Variants in DMD observed in about 807,000 individuals in gnomAD.
DMD encodes dystrophin.
Under a neutral mutation model 330.1 loss-of-function variants are expected in DMD, and 63 were observed. That is an observed-to-expected ratio of 0.19 (90% confidence interval 0.16 to 0.24). The LOEUF is 0.24. Among genes scored for constraint, DMD ranks in the 10% least tolerant of loss-of-function variants. The probability of loss-of-function intolerance (pLI) is 1.00; values close to 1 mark genes in which losing one functional copy is unlikely to be tolerated. For synonymous variants in DMD, 1,223 were observed against 959.8 expected (o/e 1.27, Z -5.07); for missense variants, 3,344 against 2,684.1 (o/e 1.25, Z -5.43).
At chrX:32,844,399 T>A (rs1357446094) in intron 4 of DMD, among the ~76,000 whole-genome samples, 2 of 63,748 alleles carry the variant, frequency 3.1e-5, no homozygotes, top group Non-Finnish European at 5.2e-5. Context: ...AGAGCGAGAC[T>A]CCATCTCAAA....
At chrX:32,496,018 G>T (rs1216148629) in intron 19 of DMD, among the ~76,000 whole-genome samples, 1 of 111,506 alleles carries the variant, frequency 9.0e-6, no homozygotes, top group East Asian at 2.8e-4. Flanking sequence ...TAAATATATT[G>T]CACCCAGAGG....
chrX:32,784,226 G>A (rs1335408524), intron 7 of DMD, among the ~76,000 whole-genome samples: 1 of 111,651 alleles, frequency 9.0e-6, no homozygotes, highest in Non-Finnish European at 1.9e-5. Context: ...CGTTTCTATA[G>A]CTCTCAAAAA....
chrX:32,962,113 GT>G (rs765390561), intron 2 of DMD, among the ~76,000 whole-genome samples: 1,294 of 111,410 alleles, frequency 0.012, 16 homozygotes, highest in African/African-American at 0.04. Flanking sequence ...GTATACATGA[GT>G]TTTTTTGCAA....
chrX:31,341,893 A>ACG, intron 61 of DMD, among the ~76,000 whole-genome samples: 1 of 34,865 alleles, frequency 2.9e-5, no homozygotes. Flanking sequence ...GCGCGCGCGC[A>ACG]CACACACACA....
At chrX:32,686,977 G>A (rs1437160828) in intron 9 of DMD, among the ~76,000 whole-genome samples, 1 of 111,897 alleles carries the variant, frequency 8.9e-6, no homozygotes, top group Non-Finnish European at 1.9e-5. Flanking sequence ...CAGCTTGAGT[G>A]TCTTCACCTG....
At chrX:33,263,152 G>T (rs2052987046) in intron 1 of DMD, among the ~76,000 whole-genome samples, 1 of 110,138 alleles carries the variant, frequency 9.1e-6, no homozygotes, top group African/African-American at 3.3e-5. Context: ...TCCTCCAGTT[G>T]TTTGACATAT....
intron 12 of DMD, among the ~76,000 whole-genome samples, chrX:32,606,225 C>T (rs1247498658): frequency 1.8e-5 from 2 of 110,307 alleles, no homozygotes; most frequent in Non-Finnish European, 3.8e-5. Flanking sequence ...TCTCTATTTC[C>T]ATGACTTCAA....
At chrX:32,372,635 G>C (rs2097883784) in intron 34 of DMD, among the ~76,000 whole-genome samples, 1 of 111,389 alleles carries the variant, frequency 9.0e-6, no homozygotes, top group East Asian at 2.8e-4. Flanking sequence ...CAGCTAGCTA[G>C]GATTGATCCA....
At chrX:32,789,040 C>A (rs773150954) in intron 7 of DMD, among the ~76,000 whole-genome samples, 1 of 111,735 alleles carries the variant, frequency 8.9e-6, no homozygotes, top group Non-Finnish European at 1.9e-5. Flanking sequence ...CTCCTCTCAC[C>A]TGGGCAACCC....
chrX:33,213,681 T>C (rs781377280), upstream of DMD, among the ~76,000 whole-genome samples: 3 of 111,923 alleles, frequency 2.7e-5, no homozygotes, highest in South Asian at 1.1e-3. Flanking sequence ...TTCACAGGAA[T>C]TTGCGGGGAT....
Position 32,614,339 on chromosome X carries a change from A to G in DMD, c.1446T>C (p.Asp482=). The G allele has an allele frequency of 8.3e-7, 1 of 1,208,392 alleles. No homozygotes were observed. Among genetic ancestry groups the G allele is most frequent in the Non-Finnish European group, 1.1e-6 (1 of 893,779 alleles). Residue 482 remains aspartate, a synonymous_variant, in exon 12 of 79, where the codon GAT becomes GAC. Transcript: ENST00000357033. Reference sequence around the variant, plus strand: ...GTACTTGGCGTTTTAGGTCTTCAAGATCAGGTCCAAGAGGCTCTTCCTCCA... The same window carrying G: ...GTACTTGGCGTTTTAGGTCTTCAAGGTCAGGTCCAAGAGGCTCTTCCTCCA... ...RKMEEEPLGP[D]LEDLKRQVQQ... is the part of the protein sequence containing the mutation.
chrX:32,753,311 A>G (rs1351866541), intron 7 of DMD, among the ~76,000 whole-genome samples: 4 of 112,289 alleles, frequency 3.6e-5, no homozygotes, highest in African/African-American at 6.5e-5. Context: ...AATATATTCC[A>G]AGACATGAGC....
chrX:32,615,623 T>C (rs181606155), intron 11 of DMD, among the ~76,000 whole-genome samples: 18 of 111,787 alleles, frequency 1.6e-4, no homozygotes, highest in African/African-American at 4.9e-4. Flanking sequence ...GAATACATAA[T>C]TTTACTCTAA....
At chrX:32,808,567 G>A (rs932955412) in intron 7 of DMD, among the ~76,000 whole-genome samples, 1 of 108,902 alleles carries the variant, frequency 9.2e-6, no homozygotes, top group Middle Eastern at 4.7e-3. Flanking sequence ...GCAAAAGGCT[G>A]TCTTCTGGGT....
At chrX:32,149,381 A>G (rs888222605) in intron 44 of DMD, among the ~76,000 whole-genome samples, 1 of 112,189 alleles carries the variant, frequency 8.9e-6, no homozygotes, top group Non-Finnish European at 1.9e-5. Flanking sequence ...GTAATTGCCA[A>G]TTGTGATTCT....
At chrX:31,262,399 C>T (rs2050612944) in intron 62 of DMD, among the ~76,000 whole-genome samples, 1 of 111,860 alleles carries the variant, frequency 8.9e-6, no homozygotes, top group South Asian at 3.7e-4. Context: ...TTAAAACAAC[C>T]GTTTAAGTTG....
chrX:32,662,707 C>T (rs1292572536), intron 9 of DMD, among the ~76,000 whole-genome samples: 1 of 111,563 alleles, frequency 9.0e-6, no homozygotes. Flanking sequence ...TTTCATTTGG[C>T]CTTTCACAGC....
chrX:33,223,457 C>T (rs2052227015), intron 1 of DMD, among the ~76,000 whole-genome samples: 1 of 112,126 alleles, frequency 8.9e-6, no homozygotes, highest in Admixed American at 9.5e-5. Flanking sequence ...AATAGAGAGC[C>T]CAGGAATAAA....
In DMD at chrX:31,296,887, T is replaced by C. The variant is rs748443576; in HGVS notation, c.9224+26711A>G. 2.8e-4 allele frequency among the ~76,000 whole-genome samples: 31 copies of C among 112,041 alleles called. No homozygotes were observed. In the East Asian group the frequency reaches 7.0e-3, roughly 25 times the overall value. ...TAAATTGGATCAAATTTTGGAACAA[T>C]AGACATCAAGTAAGATGTTTCTAAA... On this transcript the variant is annotated intron_variant, in intron 62 of 78. Coordinates refer to ENST00000357033, the MANE Select transcript of DMD (RefSeq NM_004006.3).
Sources: gnomAD v4.1 joint callset for allele counts (sites outside exome capture counted in the v4.1 genomes callset) on GRCh38, gnomAD v4.1.1 for gene constraint, MANE v1.5 for transcripts, NCBI Gene and HGNC (gene_info 2026-07-23, HGNC 2026-07-21) for gene names.